The following PDE1C variants were observed in gnomAD, a reference collection of about 807,000 sequenced individuals.
The protein encoded by PDE1C is phosphodiesterase 1C.
PDE1C carries 62 observed loss-of-function variants against 93.1 expected under a neutral mutation model. That is an observed-to-expected ratio of 0.67 (90% CI 0.54 to 0.82). The LOEUF is 0.82. Among genes scored for constraint, PDE1C ranks in the 40% least tolerant of loss-of-function variants. PDE1C has a pLI of 0.00. For synonymous variants in PDE1C, 325 were observed against 310.1 expected (o/e 1.05, Z -0.50); for missense variants, 742 against 884.6 (o/e 0.84, Z 2.04).
intron 3 of PDE1C, among the ~76,000 whole-genome samples, chr7:32,151,800 A>C (rs1801276149): frequency 6.6e-6 from 1 of 152,150 alleles, no homozygotes; most frequent in Admixed American, 6.5e-5. Context: ...AGAACGAAGA[A>C]ATTTTTGAGG....
chr7:32,108,545 G>C (rs1798469176), intron 3 of PDE1C, among the ~76,000 whole-genome samples: 1 of 151,976 alleles, frequency 6.6e-6, no homozygotes. Flanking sequence ...CATAATTCCA[G>C]AAGAAAATTC....
chr7:32,126,705 A>G (rs1799599977), intron 3 of PDE1C, among the ~76,000 whole-genome samples: 1 of 152,180 alleles, frequency 6.6e-6, no homozygotes, highest in African/African-American at 2.4e-5. Context: ...TCTATGAAAT[A>G]GAAGAGTGAA....
chr7:31,956,426 T>G (rs922435011), intron 2 of PDE1C, among the ~76,000 whole-genome samples: 4 of 151,672 alleles, frequency 2.6e-5, no homozygotes, highest in Non-Finnish European at 4.4e-5. Flanking sequence ...AGGCAGACAG[T>G]CTGTAACAGT....
intron 2 of PDE1C, among the ~76,000 whole-genome samples, chr7:31,970,945 C>T (rs1810870181): frequency 6.6e-6 from 1 of 152,080 alleles, no homozygotes; most frequent in Non-Finnish European, 1.5e-5. Flanking sequence ...GAGTTTGAGA[C>T]CAGCCTGACC....
the PDE1C span, among the ~76,000 whole-genome samples, chr7:31,630,087 T>A: frequency 6.6e-6 from 1 of 152,054 alleles, no homozygotes. Flanking sequence ...TACTGATTAA[T>A]TGGGGAGTTA....
chr7:32,192,866 G>T (rs1804330822), intron 2 of PDE1C, among the ~76,000 whole-genome samples: 1 of 152,232 alleles, frequency 6.6e-6, no homozygotes. Flanking sequence ...TCATGGCACT[G>T]CATAGTTTTC....
At chr7:31,645,837 C>T in the PDE1C span, among the ~76,000 whole-genome samples, 794 of 152,180 alleles carry the variant, frequency 5.2e-3, 4 homozygotes, top group Non-Finnish European at 8.2e-3. Context: ...AGAACAGCCA[C>T]CACAACAATG....
chr7:32,283,822 T>A (rs370731503), intron 1 of PDE1C, among the ~76,000 whole-genome samples: 1 of 152,222 alleles, frequency 6.6e-6, no homozygotes, highest in Non-Finnish European at 1.5e-5. Flanking sequence ...TTTCCCTTCA[T>A]CACGCATCCA....
At chr7:31,988,209 C>T (rs192080651) in intron 2 of PDE1C, among the ~76,000 whole-genome samples, 118 of 152,304 alleles carry the variant, frequency 7.7e-4, no homozygotes, top group Non-Finnish European at 1.4e-3. Context: ...CCTGCTGTTG[C>T]CAGTCTCTGG....
chr7:31,733,733 G>A, the PDE1C span, among the ~76,000 whole-genome samples: 1 of 152,206 alleles, frequency 6.6e-6, no homozygotes, highest in Non-Finnish European at 1.5e-5. Flanking sequence ...AGTGGCTTAT[G>A]CCTGTAATCC....
the PDE1C span, chr7:31,692,329 A>G: frequency 2.3e-6 from 2 of 877,610 alleles, no homozygotes; most frequent in East Asian, 2.5e-5. Flanking sequence ...TGCTCAACAA[A>G]TATATTTACT....
chr7:31,834,667 A>G (rs1416881547), intron 11 of PDE1C, among the ~76,000 whole-genome samples: 1 of 151,442 alleles, frequency 6.6e-6, no homozygotes, highest in Admixed American at 6.6e-5. Context: ...CTGTACCCCC[A>G]TTGTATCTAG....
chr7:32,421,773 A>G (rs1785436915), intron 1 of PDE1C, among the ~76,000 whole-genome samples: 1 of 152,212 alleles, frequency 6.6e-6, no homozygotes, highest in Non-Finnish European at 1.5e-5. Flanking sequence ...TCTACCTCAG[A>G]AAACTGTCGT....
chr7:31,898,789 C>A (rs1303711306), intron 2 of PDE1C, among the ~76,000 whole-genome samples: 1 of 152,100 alleles, frequency 6.6e-6, no homozygotes, highest in Non-Finnish European at 1.5e-5. Context: ...TCACAGAAAC[C>A]TGGTAAGACT....
intron 17 of PDE1C, among the ~76,000 whole-genome samples, chr7:31,760,521 C>T (rs1794764711): frequency 6.6e-6 from 1 of 152,118 alleles, no homozygotes; most frequent in Non-Finnish European, 1.5e-5. Flanking sequence ...TGGAACCCCA[C>T]ACTGCAGTGC....
intron 2 of PDE1C, among the ~76,000 whole-genome samples, chr7:31,907,642 G>A (rs1800764279): frequency 6.6e-6 from 1 of 151,804 alleles, no homozygotes; most frequent in East Asian, 1.9e-4. Context: ...TCATTGGCAG[G>A]CAATTTATTT....
chr7:31,659,503 C>CA, the PDE1C span, among the ~76,000 whole-genome samples: 2 of 152,206 alleles, frequency 1.3e-5, no homozygotes, highest in African/African-American at 4.8e-5. Context: ...GTGGAGGCTT[C>CA]AGGGCCAGAT....
At chr7:32,193,866 A>G (rs1804404038) in intron 2 of PDE1C, among the ~76,000 whole-genome samples, 1 of 142,006 alleles carries the variant, frequency 7.0e-6, no homozygotes, top group South Asian at 2.2e-4. Context: ...TCTACTTCAC[A>G]TTGGATGAGT....
At chr7:32,014,007 C>T (rs953924154) in intron 2 of PDE1C, among the ~76,000 whole-genome samples, 5 of 152,206 alleles carry the variant, frequency 3.3e-5, no homozygotes, top group Admixed American at 2.6e-4. Flanking sequence ...AGCTTAGACC[C>T]TCAAGAAAGA....
Sources: allele counts gnomAD v4.1 joint callset (sites outside exome capture counted in the v4.1 genomes callset), GRCh38; gene constraint gnomAD v4.1.1; transcripts MANE v1.5; gene names NCBI Gene and HGNC (gene_info 2026-07-23, HGNC 2026-07-21).